WDR72: variants seen among roughly 807,000 people sequenced by gnomAD.
WDR72 encodes the protein WD repeat domain 72, also known as WD repeat-containing protein 72.
A neutral mutation model predicts 124.2 loss-of-function variants in WDR72; 120 were observed. The ratio of observed to expected loss-of-function variants is 0.97; its 90% confidence interval spans 0.83 to 1.12. The LOEUF is 1.12. Ranked by LOEUF, WDR72 falls within the 50% of genes most tolerant of loss-of-function variation. WDR72 has a pLI of 0.00. For missense variants in WDR72, 1,387 were observed against 1,278.8 expected, an observed-to-expected ratio of 1.08 and a Z score of -1.29; for synonymous variants, 452 against 441.7, an observed-to-expected ratio of 1.02 and a Z score of -0.29.
At chr15:53,580,175 G>A (rs74017470) in intron 18 of WDR72, among the ~76,000 whole-genome samples, 15,414 of 151,984 alleles carry the variant, frequency 0.1, 1,026 homozygotes, top group African/African-American at 0.18. Context: ...AATATTTTAG[G>A]ACTCCCATAT....
chr15:53,537,349 G>A (rs979728538), intron 18 of WDR72, among the ~76,000 whole-genome samples: 7 of 152,208 alleles, frequency 4.6e-5, no homozygotes, highest in Middle Eastern at 3.4e-3. Flanking sequence ...TTTCTTATAA[G>A]TGTTTCCTTC....
At chr15:53,601,990 G>A (rs1359132580) in intron 17 of WDR72, among the ~76,000 whole-genome samples, 3 of 151,832 alleles carry the variant, frequency 2.0e-5, no homozygotes, top group African/African-American at 7.3e-5. Context: ...TGGATCAAAT[G>A]GACCTGATGT....
chr15:53,721,947 G>A (rs1375415063), intron 3 of WDR72, among the ~76,000 whole-genome samples: 1 of 152,070 alleles, frequency 6.6e-6, no homozygotes, highest in Non-Finnish European at 1.5e-5. Context: ...CCAAATCACT[G>A]GCTATGTTCC....
intron 4 of WDR72, among the ~76,000 whole-genome samples, chr15:53,716,368 A>C (rs2017707710): frequency 6.6e-6 from 1 of 152,210 alleles, no homozygotes; most frequent in Admixed American, 6.5e-5. Context: ...TTGTCTTTCA[A>C]ATCTGTTAGA....
chr15:53,694,634 A>G (rs1419084692), intron 13 of WDR72, among the ~76,000 whole-genome samples: 2 of 152,208 alleles, frequency 1.3e-5, no homozygotes. Context: ...GCATTGCACG[A>G]TAAGTGAAGA....
chr15:53,684,259 C>T (rs112652972), intron 13 of WDR72: 4,095 of 155,980 alleles, frequency 0.026, 210 homozygotes, highest in African/African-American at 0.093. Flanking sequence ...GGGTGAGCGA[C>T]GCAGAAGACG....
chr15:53,606,335 T>C (rs2013281345), intron 17 of WDR72, among the ~76,000 whole-genome samples: 1 of 152,182 alleles, frequency 6.6e-6, no homozygotes, highest in Admixed American at 6.5e-5. Flanking sequence ...TTAGGGTGAC[T>C]GCTAATGTGC....
chr15:53,577,954 G>C (rs1056994698), intron 18 of WDR72, among the ~76,000 whole-genome samples: 1 of 152,086 alleles, frequency 6.6e-6, no homozygotes, highest in African/African-American at 2.4e-5. Context: ...TTTTAAAAAT[G>C]AAGAGAATTC....
At chr15:53,684,652 C>CCGGCTTG (rs1567025927) in intron 13 of WDR72, 3 of 155,546 alleles carry the variant, frequency 1.9e-5, no homozygotes, top group Middle Eastern at 2.9e-3. Flanking sequence ...CGCCATTGCC[C>CCGGCTTG]AGGCTTGATT....
intron 14 of WDR72, among the ~76,000 whole-genome samples, chr15:53,658,038 T>C (rs1266180326): frequency 6.6e-6 from 1 of 152,198 alleles, no homozygotes; most frequent in Non-Finnish European, 1.5e-5. Flanking sequence ...TGTTAAAAAA[T>C]GCAGCTTTTT....
chr15:53,552,823 C>T (rs958475452), intron 18 of WDR72, among the ~76,000 whole-genome samples: 1 of 152,090 alleles, frequency 6.6e-6, no homozygotes, highest in South Asian at 2.1e-4. Context: ...ACATCGAATG[C>T]CATTTGATTT....
chr15:53,571,636 T>G (rs1031070685), intron 18 of WDR72, among the ~76,000 whole-genome samples: 1 of 152,128 alleles, frequency 6.6e-6, no homozygotes, highest in African/African-American at 2.4e-5. Flanking sequence ...CTTAGGTTGA[T>G]CCCATATCTT....
At chr15:53,750,579 A>G (rs1361588401) in intron 1 of WDR72, among the ~76,000 whole-genome samples, 1 of 152,202 alleles carries the variant, frequency 6.6e-6, no homozygotes, top group Non-Finnish European at 1.5e-5. Flanking sequence ...ACATTTTGTG[A>G]GGCTATAGCT....
intron 14 of WDR72, among the ~76,000 whole-genome samples, chr15:53,620,276 T>A (rs2013937004): frequency 6.6e-6 from 1 of 152,010 alleles, no homozygotes; most frequent in African/African-American, 2.4e-5. Context: ...AAATACATTA[T>A]GACATACATA....
intron 18 of WDR72, among the ~76,000 whole-genome samples, chr15:53,596,111 C>G (rs2012760989): frequency 6.6e-6 from 1 of 152,106 alleles, no homozygotes; most frequent in African/African-American, 2.4e-5. Context: ...TATGTAGTAA[C>G]ATTGCTCCTA....
intron 13 of WDR72, among the ~76,000 whole-genome samples, chr15:53,668,301 G>C (rs1449172360): frequency 9.9e-5 from 15 of 152,208 alleles, no homozygotes; most frequent in Admixed American, 9.2e-4. Context: ...GGAGTGGTTA[G>C]AGTCAATCAA....
intron 18 of WDR72, among the ~76,000 whole-genome samples, chr15:53,547,661 C>A (rs1893541257): frequency 6.6e-6 from 1 of 152,026 alleles, no homozygotes. Flanking sequence ...TTTTGGTTGC[C>A]ACATCTGGAA....
chr15:53,617,010 T>C, intron 14 of WDR72, among the ~76,000 whole-genome samples: 1 of 151,962 alleles, frequency 6.6e-6, no homozygotes, highest in East Asian at 1.9e-4. Context: ...TTGCTTCCAG[T>C]GCCTACAAAA....
intron 14 of WDR72, among the ~76,000 whole-genome samples, chr15:53,658,979 A>T (rs1278913003): frequency 1.3e-5 from 2 of 152,112 alleles, no homozygotes; most frequent in Admixed American, 1.3e-4. Flanking sequence ...TGTCAAAGCC[A>T]CTCTTTAACA....
Sources: allele counts gnomAD v4.1 joint callset (sites outside exome capture counted in the v4.1 genomes callset), GRCh38; gene constraint gnomAD v4.1.1; transcripts MANE v1.5; gene names NCBI Gene and HGNC (gene_info 2026-07-23, HGNC 2026-07-21).